Variants in RERE observed in about 807,000 individuals in gnomAD.
RERE encodes arginine-glutamic acid dipeptide repeats protein.
Under a neutral mutation model 146.1 loss-of-function variants are expected in RERE, and 40 were observed. That is an observed-to-expected ratio of 0.27 (90% CI 0.21 to 0.36). The LOEUF is 0.36. RERE is among the 10% of genes least tolerant of loss of function. The pLI is 1.00. For synonymous variants in RERE, 1,003 were observed against 866.0 expected (o/e 1.16, Z -2.78); for missense variants, 1,933 against 2,138.7 (o/e 0.90, Z 1.90).
intron 10 of RERE, among the ~76,000 whole-genome samples, chr1:8,470,266 TTTTC>T (rs1644662908): frequency 2.0e-5 from 3 of 152,192 alleles, no homozygotes; most frequent in African/African-American, 7.2e-5. Flanking sequence ...TGACAAATTT[TTTTC>T]TTTCTTTTTG....
chr1:8,402,854 G>T (rs935668532), intron 12 of RERE, among the ~76,000 whole-genome samples: 1 of 152,244 alleles, frequency 6.6e-6, no homozygotes, highest in Non-Finnish European at 1.5e-5. Flanking sequence ...AAACTGCCTG[G>T]GGGGCGCTGG....
At chr1:8,786,469 C>T (rs555520653) in intron 1 of RERE, 6 of 876,178 alleles carry the variant, frequency 6.8e-6, no homozygotes, top group African/African-American at 3.3e-5. Flanking sequence ...GCCATAACCA[C>T]GCTTGTAGAT....
intron 1 of RERE, among the ~76,000 whole-genome samples, chr1:8,778,932 C>T (rs1641116398): frequency 6.6e-6 from 1 of 152,116 alleles, no homozygotes; most frequent in East Asian, 1.9e-4. Context: ...ACTGCAACCT[C>T]CATCTCTTGG....
intron 2 of RERE, among the ~76,000 whole-genome samples, chr1:8,636,033 G>A (rs757197747): frequency 3.3e-5 from 5 of 151,574 alleles, no homozygotes; most frequent in Admixed American, 6.6e-5. Context: ...TTGTTGCCCA[G>A]GCTGGAGTGC....
intron 11 of RERE, among the ~76,000 whole-genome samples, chr1:8,462,505 G>A (rs906947949): frequency 3.9e-5 from 6 of 152,220 alleles, no homozygotes; most frequent in African/African-American, 1.4e-4. Context: ...GCACTGGCAT[G>A]AGAGGTTAGT....
chr1:8,798,579 C>T (rs1210336273), intron 1 of RERE: 3 of 219,320 alleles, frequency 1.4e-5, no homozygotes. Context: ...GATGATGGCA[C>T]CTCAGATCGC....
chr1:8,709,764 T>TA (rs1639630823), intron 1 of RERE, among the ~76,000 whole-genome samples: 1 of 152,316 alleles, frequency 6.6e-6, no homozygotes, highest in Middle Eastern at 3.4e-3. Context: ...TTTACTCTTA[T>TA]AAACAGTGCT....
Position 8,698,883 on chromosome 1 carries a change from A to G in RERE, c.-144-42442T>C, listed in dbSNP as rs528198130. Among the ~76,000 whole-genome samples, 6 of 152,266 alleles carry G rather than the reference A, an allele frequency of 3.9e-5. No individual in the cohort carries two copies. In the South Asian group the frequency reaches 1.2e-3, roughly 32 times the overall value. On this transcript the variant is annotated intron_variant, in intron 1 of 22. Coordinates refer to ENST00000400908, the MANE Select transcript of RERE (RefSeq NM_001042681.2). Reference sequence around the variant, plus strand: ...TTATATTCTTATTATCTTAACAAGAAGCTTCTGATTAATACTCTAAAATTA... The same window carrying G: ...TTATATTCTTATTATCTTAACAAGAGGCTTCTGATTAATACTCTAAAATTA...
intron 1 of RERE, among the ~76,000 whole-genome samples, chr1:8,752,056 C>T (rs887012162): frequency 6.6e-6 from 1 of 151,826 alleles, no homozygotes; most frequent in African/African-American, 2.4e-5. Context: ...ACCTTCATAA[C>T]GGCCATTCAA....
At chr1:8,795,270 C>T (rs1314287867) in intron 1 of RERE, among the ~76,000 whole-genome samples, 5 of 151,634 alleles carry the variant, frequency 3.3e-5, no homozygotes, top group South Asian at 4.2e-4. Context: ...GTGACCTGCC[C>T]GCCTCGGCCT....
At chr1:8,446,600 G>C (rs564217940) in intron 11 of RERE, among the ~76,000 whole-genome samples, 39 of 152,278 alleles carry the variant, frequency 2.6e-4, no homozygotes, top group African/African-American at 9.4e-4. Context: ...TCCATTCTCT[G>C]TGTCACTTTC....
At chr1:8,712,493 C>G (rs1310862216) in intron 1 of RERE, among the ~76,000 whole-genome samples, 1 of 152,118 alleles carries the variant, frequency 6.6e-6, no homozygotes, top group African/African-American at 2.4e-5. Context: ...TATGTTTAAA[C>G]GATTATAATG....
chr1:8,707,498 G>A (rs189606063), intron 1 of RERE, among the ~76,000 whole-genome samples: 20 of 150,972 alleles, frequency 1.3e-4, no homozygotes, highest in African/African-American at 4.9e-4. Flanking sequence ...GGCAACTTTG[G>A]GCCACTTTCC....
intron 12 of RERE, among the ~76,000 whole-genome samples, chr1:8,419,265 A>T (rs182765378): frequency 6.6e-6 from 1 of 152,202 alleles, no homozygotes; most frequent in Non-Finnish European, 1.5e-5. Flanking sequence ...AAGCCTCTAT[A>T]AACAGTTGGG....
chr1:8,466,139 T>C, intron 10 of RERE, 116 bp from the exon 11 acceptor site: 3 of 788,740 alleles, frequency 3.8e-6, no homozygotes, highest in Non-Finnish European at 5.9e-6. Flanking sequence ...AAAGGGGCAC[T>C]GAGACTCCAT....
At chr1:8,535,649 G>GA (rs772132270) in intron 7 of RERE, among the ~76,000 whole-genome samples, 36 of 152,170 alleles carry the variant, frequency 2.4e-4, no homozygotes, top group Non-Finnish European at 4.6e-4. Flanking sequence ...GTCAGTCTAG[G>GA]AGAGAGAAAG....
chr1:8,457,283 C>G (rs1301118558), intron 11 of RERE, among the ~76,000 whole-genome samples: 1 of 152,220 alleles, frequency 6.6e-6, no homozygotes, highest in Admixed American at 6.5e-5. Context: ...AGGCCAATAT[C>G]AGGCACTGTC....
At chr1:8,640,446 T>C (rs1439895749) in intron 2 of RERE, among the ~76,000 whole-genome samples, 1 of 152,212 alleles carries the variant, frequency 6.6e-6, no homozygotes, top group Non-Finnish European at 1.5e-5. Flanking sequence ...TTTATCATTT[T>C]ACACATTACA....
chr1:8,701,597 C>A (rs1639452127), intron 1 of RERE, among the ~76,000 whole-genome samples: 1 of 152,036 alleles, frequency 6.6e-6, no homozygotes, highest in African/African-American at 2.4e-5. Context: ...TTTCATCAGC[C>A]ACGGGGAGGG....
Sources: gnomAD v4.1 joint callset for allele counts (sites outside exome capture counted in the v4.1 genomes callset) on GRCh38, gnomAD v4.1.1 for gene constraint, MANE v1.5 for transcripts, NCBI Gene and HGNC (gene_info 2026-07-23, HGNC 2026-07-21) for gene names.